Variants in TGFBI observed in about 807,000 individuals in gnomAD.
TGFBI encodes the protein transforming growth factor beta induced.
Under a neutral mutation model 73.7 loss-of-function variants are expected in TGFBI, and 50 were observed. The ratio of observed to expected loss-of-function variants is 0.68; its 90% CI spans 0.54 to 0.86. The LOEUF (loss-of-function observed/expected upper bound fraction) is 0.86, where lower values mean the gene tolerates loss of function less well. Ranked by LOEUF, TGFBI falls within the 40% of genes least tolerant of loss-of-function variation. The pLI, the probability that TGFBI is intolerant of heterozygous loss-of-function variation, is 0.00. For synonymous variants in TGFBI, 362 were observed against 360.5 expected (o/e 1.00, Z -0.05); for missense variants, 839 against 877.0 (o/e 0.96, Z 0.55).
Position 136,052,979 on chromosome 5 carries a change from C to T in TGFBI, c.986C>T (p.Thr329Ile). The T allele has an allele frequency of 1.2e-6, 2 of 1,614,012 alleles. No individual in the cohort carries two copies. Among genetic ancestry groups the T allele is most frequent in the East Asian group, 4.5e-5 (2 of 44,886 alleles). ...EAIVAGLSVE[T>I]LEGTTLEVGC... ...ATCGTTGCGGGGCTGTCTGTAGAGA[C>T]CCTGGAGGGCACGACACTGGAGGTG... Residue 329 changes from threonine (T) to isoleucine (I), a missense_variant, in exon 8 of 17, where the codon ACC (threonine) becomes ATC (isoleucine). By Grantham distance (89) the Thr-to-Ile change is moderately conservative (BLOSUM62 -1). Coordinates refer to ENST00000442011, the MANE Select transcript of TGFBI (RefSeq NM_000358.3).
chr5:136,046,402 G>A lies in TGFBI; in HGVS notation c.366G>A (p.Thr122=), dbSNP rs749608724. 8.7e-6 allele frequency: 14 copies of A among 1,613,874 alleles called. No homozygotes were observed. The highest frequency in any genetic ancestry group is 1.7e-5 in the Admixed American group (1 of 60,010). ...GATCCACCACCACTCAGCTGTACAC[G>A]GACCGCACGGAGAAGCTGAGGCCTG... ...VVGSTTTQLY[T]DRTEKLRPEM... is the part of the protein sequence containing the mutation. The change falls in exon 4 of 17, where the codon ACG becomes ACA. Residue 122 remains threonine (T), a synonymous_variant. Coordinates refer to ENST00000442011, the MANE Select transcript of TGFBI (RefSeq NM_000358.3).
Position 136,046,900 on chromosome 5 carries a change from C to G in TGFBI, c.509C>G (p.Ala170Gly). ...AATGTCAACATTGAGCTGCTCAATG[C>G]CCTCCGCTACCATATGGTGGGCAGG... is the stretch of plus-strand genomic sequence containing the variant. ...VSNVNIELLN[A>G]LRYHMVGRRV... The change falls in exon 5 of 17, where the codon GCC (alanine) becomes GGC (glycine). Residue 170 changes from alanine (A) to glycine (G), a missense_variant. Physicochemically the swap from Ala to Gly is moderately conservative, Grantham distance 60 (BLOSUM62 0). Transcript: ENST00000442011. The G allele has an allele frequency of 6.2e-7, 1 of 1,613,730 alleles. No homozygotes were observed.
rs773202924 is a variant in TGFBI, at chr5:136,049,529, A to T, written c.862A>T (p.Ile288Phe). ...LAPTNEAFEKIPSETLNRILG... is the reference protein window; with the variant it reads ...LAPTNEAFEKFPSETLNRILG... ...CCCGACCAATGAGGCCTTCGAGAAG[A>T]TCCCTAGTGAGACTTTGAACCGTAT... Residue 288 changes from isoleucine (I) to phenylalanine (F), a missense_variant, in exon 7 of 17, where the codon ATC becomes TTC. Ile to Phe is a conservative substitution (Grantham distance 21). Coordinates refer to ENST00000442011, the MANE Select transcript of TGFBI (RefSeq NM_000358.3). The T allele has an allele frequency of 6.2e-7, 1 of 1,613,828 alleles. No individual in the cohort carries two copies. The highest frequency in any genetic ancestry group is 1.1e-5 in the South Asian group (1 of 91,052).
Position 136,063,686 on chromosome 5 carries a change from CT to C in TGFBI, c.*461del. 10 of 166,216 alleles carry C rather than the reference CT, an allele frequency of 6.0e-5. No homozygotes were observed. Among genetic ancestry groups the C allele is most frequent in the South Asian group, 1.7e-4 (1 of 5,812 alleles). The allele number at this position is 166,216 out of a possible 1,614,324, so 10.3% of individuals were successfully genotyped here. A position where few individuals can be genotyped will look rare whatever the true frequency, so the allele number is the denominator to read the frequency against. ...AGTTGAAATGTTCTGTCAAATGTGT[CT>C]CACATCTACACGTGGCTTGGAGGCT... On this transcript the variant is annotated 3_prime_UTR_variant, in exon 17 of 17. Coordinates refer to ENST00000442011, the MANE Select transcript of TGFBI (RefSeq NM_000358.3).
intron 2 of TGFBI, among the ~76,000 whole-genome samples, chr5:136,041,767 A>G (rs913227366): frequency 6.6e-6 from 1 of 152,136 alleles, no homozygotes; most frequent in Non-Finnish European, 1.5e-5. Flanking sequence ...ACCCCTCAGC[A>G]TACACACACA....
intron 2 of TGFBI, among the ~76,000 whole-genome samples, chr5:136,034,551 C>G (rs1352811057): frequency 6.6e-6 from 1 of 151,688 alleles, no homozygotes; most frequent in Non-Finnish European, 1.5e-5. Flanking sequence ...ATTATTATCA[C>G]CCTAGATTTG....
At chr5:136,038,058 G>A (rs1157072077) in intron 2 of TGFBI, among the ~76,000 whole-genome samples, 1 of 152,172 alleles carries the variant, frequency 6.6e-6, no homozygotes, top group East Asian at 1.9e-4. Context: ...GGGATCTCTT[G>A]AATAATCTGC....
chr5:136,045,357 A>G (rs1751409800), intron 3 of TGFBI, among the ~76,000 whole-genome samples: 1 of 152,144 alleles, frequency 6.6e-6, no homozygotes, highest in Admixed American at 6.5e-5. Context: ...AGCCTGGCTA[A>G]CATAGTGAAA....
chr5:136,050,660 G>A (rs1751518032), intron 7 of TGFBI, among the ~76,000 whole-genome samples: 1 of 152,162 alleles, frequency 6.6e-6, no homozygotes, highest in African/African-American at 2.4e-5. Context: ...ACATATTCCA[G>A]GATCACTTGA....
intron 12 of TGFBI, among the ~76,000 whole-genome samples, chr5:136,057,421 G>T (rs1280554938): frequency 6.6e-6 from 1 of 152,146 alleles, no homozygotes; most frequent in African/African-American, 2.4e-5. Context: ...ATCTAGTTGA[G>T]GATGTTTGGC....
intron 2 of TGFBI, among the ~76,000 whole-genome samples, chr5:136,041,263 C>T (rs902047290): frequency 1.2e-4 from 19 of 152,216 alleles, no homozygotes; most frequent in African/African-American, 3.9e-4. Context: ...AAGCCACACT[C>T]GGTTAACCAG....
chr5:136,063,000 A>C (rs45569433), intron 16 of TGFBI, among the ~76,000 whole-genome samples, 186 bp from the exon 17 acceptor site: 3 of 152,170 alleles, frequency 2.0e-5, no homozygotes, highest in African/African-American at 7.2e-5. Flanking sequence ...GTTGATAGGT[A>C]CAGAAAACCA....
intron 2 of TGFBI, among the ~76,000 whole-genome samples, chr5:136,035,622 C>T (rs1184218092): frequency 1.6e-5 from 2 of 123,198 alleles, no homozygotes; most frequent in African/African-American, 6.8e-5. Context: ...GAGACACCGT[C>T]TCAAAAAAAA....
Position 136,029,169 on chromosome 5 carries a change from G to C in TGFBI, c.114G>C (p.Arg38Ser). 1 of 1,512,972 alleles carries C rather than the reference G, an allele frequency of 6.6e-7. No individual in the cohort carries two copies. Among genetic ancestry groups the C allele is most frequent in the South Asian group, 1.2e-5 (1 of 81,938 alleles). 93.7% of individuals were successfully genotyped at this position (1,512,972 alleles called of 1,614,324 possible). ...ACCAGCTGGTGCTGCAGCACAGCAGGCTCCGGGGCCGCCAGCACGGGTAAG... is the reference window on the plus strand; with the variant it reads ...ACCAGCTGGTGCTGCAGCACAGCAGCCTCCGGGGCCGCCAGCACGGGTAAG... ...SPYQLVLQHS[R>S]LRGRQHGPNV... Residue 38 changes from arginine to serine, a missense_variant, in exon 1 of 17, where the codon AGG (arginine) becomes AGC (serine). Coordinates refer to ENST00000442011, the MANE Select transcript of TGFBI (RefSeq NM_000358.3).
chr5:136,053,895 T>A, intron 8 of TGFBI, 48 bp from the exon 9 acceptor site: 2 of 1,607,668 alleles, frequency 1.2e-6, no homozygotes, highest in Non-Finnish European at 1.7e-6. Context: ...GAATGATAAA[T>A]GAAAACAGCG....
chr5:136,037,619 A>C (rs1428434765), intron 2 of TGFBI, among the ~76,000 whole-genome samples: 1 of 152,218 alleles, frequency 6.6e-6, no homozygotes, highest in African/African-American at 2.4e-5. Context: ...GCAGCTATTC[A>C]TTCCAAAAGT....
rs574026154 is a variant in TGFBI at position 136,044,138 on chromosome 5, G to A, written c.298+16G>A. 29 of 1,609,682 alleles carry A rather than the reference G, an allele frequency of 1.8e-5. No individual in the cohort carries two copies. Among genetic ancestry groups the A allele is most frequent in the Admixed American group, 1.0e-4 (6 of 59,800 alleles). ...TGTCCAGCAGGTGAATGAATCCTCC[G>A]GGCCTTGCCTGTTGGTGTGGGTGGA... is the stretch of plus-strand genomic sequence containing the variant. On this transcript the variant is annotated intron_variant, in intron 3 of 16. Coordinates refer to ENST00000442011, the MANE Select transcript of TGFBI (RefSeq NM_000358.3).
chr5:136,052,073 G>GA (rs1751546480), intron 7 of TGFBI, among the ~76,000 whole-genome samples: 1 of 152,230 alleles, frequency 6.6e-6, no homozygotes, highest in South Asian at 2.1e-4. Flanking sequence ...CTGGGGTTGG[G>GA]GGGGGCTCCT....
intron 12 of TGFBI, among the ~76,000 whole-genome samples, chr5:136,058,520 A>T (rs940247353): frequency 6.6e-6 from 1 of 152,140 alleles, no homozygotes; most frequent in Non-Finnish European, 1.5e-5. Context: ...TGCGGAGGGA[A>T]TATCCCCCTC....
Sources: gnomAD v4.1 joint callset for allele counts (sites outside exome capture counted in the v4.1 genomes callset) on GRCh38, gnomAD v4.1.1 for gene constraint, MANE v1.5 for transcripts, NCBI Gene and HGNC (gene_info 2026-07-23, HGNC 2026-07-21) for gene names.